Variants in TMEM117 observed in about 807,000 individuals in gnomAD.
TMEM117 encodes transmembrane protein 117.
In TMEM117, 27 loss-of-function variants were observed where a neutral mutation model predicts 52.4. The ratio of observed to expected loss-of-function variants is 0.51; its 90% confidence interval spans 0.38 to 0.71. The LOEUF (loss-of-function observed/expected upper bound fraction) is 0.71, where lower values mean the gene tolerates loss of function less well. Among genes scored for constraint, TMEM117 ranks in the 30% least tolerant of loss-of-function variants. TMEM117 has a pLI of 0.00. For missense variants in TMEM117, 556 were observed against 630.5 expected (o/e 0.88, Z 1.26); for synonymous variants, 215 against 206.3 (o/e 1.04, Z -0.36).
chr12:43,848,250 A>C (rs190266529), intron 2 of TMEM117, among the ~76,000 whole-genome samples: 1 of 152,260 alleles, frequency 6.6e-6, no homozygotes, highest in Admixed American at 6.5e-5. Context: ...AGAAAACAGC[A>C]TTTGAGAGTA....
intron 7 of TMEM117, among the ~76,000 whole-genome samples, chr12:44,385,680 C>G (rs1453986190): frequency 6.6e-6 from 1 of 152,274 alleles, no homozygotes; most frequent in South Asian, 2.1e-4. Context: ...TCTGGTCTGG[C>G]TTTGTAACAT....
intron 5 of TMEM117, among the ~76,000 whole-genome samples, chr12:44,217,642 G>A (rs1019688926): frequency 6.6e-6 from 1 of 152,072 alleles, no homozygotes; most frequent in African/African-American, 2.4e-5. Flanking sequence ...GGTGTCACAG[G>A]TCAGATGAGT....
At chr12:43,968,270 A>G (rs189628289) in intron 3 of TMEM117, among the ~76,000 whole-genome samples, 1 of 152,212 alleles carries the variant, frequency 6.6e-6, no homozygotes, top group African/African-American at 2.4e-5. Context: ...TAAACAGAAC[A>G]ATGAATTTTA....
At chr12:44,049,536 A>G (rs1946935307) in intron 3 of TMEM117, among the ~76,000 whole-genome samples, 1 of 150,646 alleles carries the variant, frequency 6.6e-6, no homozygotes, top group African/African-American at 2.5e-5. Context: ...CCAGAACTTC[A>G]AGTAAAATAA....
intron 3 of TMEM117, among the ~76,000 whole-genome samples, chr12:44,104,384 C>G (rs546384996): frequency 6.6e-6 from 1 of 151,850 alleles, no homozygotes; most frequent in South Asian, 2.1e-4. Flanking sequence ...TTATATCAAG[C>G]TTAAATGTTT....
chr12:43,974,485 T>C (rs1047749170), intron 3 of TMEM117, among the ~76,000 whole-genome samples: 2 of 152,112 alleles, frequency 1.3e-5, no homozygotes, highest in Admixed American at 6.5e-5. Context: ...TATTTCTGAG[T>C]TCTTGTTTCT....
At chr12:44,235,447 A>G (rs1949984335) in intron 5 of TMEM117, among the ~76,000 whole-genome samples, 2 of 151,232 alleles carry the variant, frequency 1.3e-5, no homozygotes, top group Non-Finnish European at 3.0e-5. Context: ...ATTTAAATCT[A>G]TCATCTAAAT....
intron 3 of TMEM117, among the ~76,000 whole-genome samples, chr12:44,023,271 G>A (rs1016399307): frequency 5.9e-5 from 9 of 152,162 alleles, no homozygotes; most frequent in African/African-American, 2.2e-4. Flanking sequence ...TGTGAATAGT[G>A]CCGCAATAAA....
intron 3 of TMEM117, among the ~76,000 whole-genome samples, chr12:43,993,872 T>A (rs1413152055): frequency 1.3e-5 from 2 of 152,126 alleles, no homozygotes; most frequent in Admixed American, 6.5e-5. Context: ...TTTTTGTATT[T>A]TTTGTAGAGA....
At chr12:44,256,182 G>A (rs1449454788) in intron 5 of TMEM117, among the ~76,000 whole-genome samples, 2 of 151,204 alleles carry the variant, frequency 1.3e-5, no homozygotes, top group East Asian at 3.9e-4. Flanking sequence ...CACAGAATAA[G>A]GATATATATA....
intron 2 of TMEM117, among the ~76,000 whole-genome samples, chr12:43,942,116 A>C (rs974345344): frequency 2.0e-5 from 3 of 152,218 alleles, no homozygotes; most frequent in African/African-American, 4.8e-5. Context: ...CTTGCAGCAA[A>C]GGGGCCCCTG....
At chr12:43,940,256 C>T (rs181775637) in intron 2 of TMEM117, among the ~76,000 whole-genome samples, 1 of 152,300 alleles carries the variant, frequency 6.6e-6, no homozygotes, top group Non-Finnish European at 1.5e-5. Context: ...GGTAGGGCTC[C>T]CCACATCTCC....
intron 2 of TMEM117, among the ~76,000 whole-genome samples, chr12:43,938,477 T>C (rs1944989909): frequency 6.6e-6 from 1 of 151,802 alleles, no homozygotes; most frequent in Admixed American, 6.6e-5. Flanking sequence ...TATGGTCATC[T>C]TGGGACAACA....
chr12:44,166,636 T>C (rs970985398), intron 4 of TMEM117, among the ~76,000 whole-genome samples: 1 of 152,178 alleles, frequency 6.6e-6, no homozygotes, highest in African/African-American at 2.4e-5. Flanking sequence ...AATAAACATG[T>C]TTTACTACTT....
intron 3 of TMEM117, among the ~76,000 whole-genome samples, chr12:44,044,260 C>T (rs1009435940): frequency 2.0e-5 from 3 of 152,274 alleles, no homozygotes; most frequent in Middle Eastern, 3.4e-3. Flanking sequence ...TGGCAGGCCC[C>T]CACAGGTGAA....
At chr12:43,896,016 T>C (rs770465366) in intron 2 of TMEM117, among the ~76,000 whole-genome samples, 5 of 152,208 alleles carry the variant, frequency 3.3e-5, no homozygotes, top group Non-Finnish European at 7.3e-5. Flanking sequence ...CCCATTCAGA[T>C]TGAGGGTGGG....
chr12:44,269,000 C>A (rs1486729188), intron 5 of TMEM117, among the ~76,000 whole-genome samples: 1 of 152,106 alleles, frequency 6.6e-6, no homozygotes, highest in Non-Finnish European at 1.5e-5. Context: ...AGTCGATTAT[C>A]CATTTCTGAA....
intron 2 of TMEM117, among the ~76,000 whole-genome samples, chr12:43,928,928 C>G (rs1944827384): frequency 6.6e-6 from 1 of 151,850 alleles, no homozygotes; most frequent in Non-Finnish European, 1.5e-5. Context: ...ATGAACTCAT[C>G]ATTTTTTATG....
intron 3 of TMEM117, among the ~76,000 whole-genome samples, chr12:44,089,941 C>G (rs538339054): frequency 9.7e-4 from 148 of 152,198 alleles, no homozygotes; most frequent in Admixed American, 2.4e-3. Context: ...AACAAAGGAG[C>G]TATATTTTGC....
Sources: allele counts gnomAD v4.1 joint callset (sites outside exome capture counted in the v4.1 genomes callset), GRCh38; gene constraint gnomAD v4.1.1; transcripts MANE v1.5; gene names NCBI Gene and HGNC (gene_info 2026-07-23, HGNC 2026-07-21).